The following ACACA variants were observed in gnomAD, a reference collection of about 807,000 sequenced individuals.
ACACA encodes acetyl-CoA carboxylase alpha, also known as acetyl-CoA carboxylase 1.
In ACACA, 103 loss-of-function variants were observed where a neutral mutation model predicts 296.1. The ratio of observed to expected loss-of-function variants is 0.35; its 90% CI spans 0.30 to 0.41. The LOEUF (loss-of-function observed/expected upper bound fraction) is 0.41. ACACA is among the 10% of genes least tolerant of loss of function. The pLI, the probability that ACACA is intolerant of heterozygous loss-of-function variation, is 1.00. For missense variants in ACACA, 1,554 were observed against 2,989.7 expected (o/e 0.52, Z 11.20); for synonymous variants, 953 against 1,038.6 (o/e 0.92, Z 1.58).
chr17:37,285,354 T>C (rs2082718653), intron 3 of ACACA, among the ~76,000 whole-genome samples: 1 of 152,202 alleles, frequency 6.6e-6, no homozygotes, highest in African/African-American at 2.4e-5. Context: ...TCTATCTTTC[T>C]TCTGAGCTAT....
At chr17:37,185,558 G>A (rs902410818) in intron 39 of ACACA, among the ~76,000 whole-genome samples, 1 of 146,384 alleles carries the variant, frequency 6.8e-6, no homozygotes, top group Non-Finnish European at 1.5e-5. Context: ...GCCCAAAGAT[G>A]ATTTTAAAAT....
chr17:37,262,133 C>T (rs975773584), intron 11 of ACACA, among the ~76,000 whole-genome samples: 1 of 152,154 alleles, frequency 6.6e-6, no homozygotes, highest in Non-Finnish European at 1.5e-5. Context: ...GCCAGAGGAA[C>T]AGACTGAGGC....
intron 3 of ACACA, among the ~76,000 whole-genome samples, chr17:37,292,746 C>T (rs1197813560): frequency 2.0e-5 from 3 of 152,192 alleles, no homozygotes; most frequent in Non-Finnish European, 4.4e-5. Context: ...TGCCTGTAGT[C>T]CCAGCTACCT....
chr17:37,291,702 C>A (rs1380425948), intron 3 of ACACA, among the ~76,000 whole-genome samples: 1 of 152,060 alleles, frequency 6.6e-6, no homozygotes, highest in Non-Finnish European at 1.5e-5. Context: ...TACATATAAG[C>A]CCCAAATACA....
intron 45 of ACACA, among the ~76,000 whole-genome samples, chr17:37,141,818 AG>A (rs1470650324): frequency 6.6e-6 from 1 of 151,468 alleles, no homozygotes. Context: ...CAGCCTCCTG[AG>A]TAGCTGGGAT....
intron 47 of ACACA, among the ~76,000 whole-genome samples, chr17:37,127,590 G>A (rs546042737): frequency 9.2e-5 from 14 of 152,194 alleles, no homozygotes; most frequent in South Asian, 4.1e-4. Flanking sequence ...GGCCGGGCGC[G>A]GTGGCTCACG....
At chr17:37,273,600 T>C (rs2146436857) in intron 9 of ACACA, among the ~76,000 whole-genome samples, 1 of 152,356 alleles carries the variant, frequency 6.6e-6, no homozygotes, top group Admixed American at 6.5e-5. Context: ...CTCTCAGCCA[T>C]ACACTAAGCT....
At chr17:37,257,314 T>C (rs1460316773) in intron 14 of ACACA, among the ~76,000 whole-genome samples, 2 of 152,162 alleles carry the variant, frequency 1.3e-5, no homozygotes, top group Non-Finnish European at 2.9e-5. Context: ...ATTTTAAGTC[T>C]TCTCACAAGA....
At chr17:37,265,205 G>A (rs2081703202) in intron 10 of ACACA, among the ~76,000 whole-genome samples, 1 of 152,164 alleles carries the variant, frequency 6.6e-6, no homozygotes, top group African/African-American at 2.4e-5. Flanking sequence ...CAAGGGGTAG[G>A]GAAAATAGAT....
chr17:37,278,915 C>T (rs995053112), intron 5 of ACACA, among the ~76,000 whole-genome samples: 1 of 152,082 alleles, frequency 6.6e-6, no homozygotes, highest in African/African-American at 2.4e-5. Flanking sequence ...TGCAGGACAT[C>T]CAGGTTTGTT....
At chr17:37,368,081 A>G (rs1487225751) in intron 1 of ACACA, among the ~76,000 whole-genome samples, 2 of 151,770 alleles carry the variant, frequency 1.3e-5, no homozygotes, top group Non-Finnish European at 2.9e-5. Flanking sequence ...ACAAACAAAC[A>G]AACAAAAAAT....
chr17:37,141,098 C>A, intron 45 of ACACA: 1 of 447,394 alleles, frequency 2.2e-6, no homozygotes, highest in Admixed American at 2.5e-5. Context: ...CTGATGGCAA[C>A]AAACATCTTG....
At chr17:37,211,656 G>C (rs2078753799) in intron 29 of ACACA, among the ~76,000 whole-genome samples, 1 of 152,202 alleles carries the variant, frequency 6.6e-6, no homozygotes, top group Non-Finnish European at 1.5e-5. Flanking sequence ...AAGGAAGATA[G>C]AGGGAGGAAA....
At chr17:37,198,238 AAC>A (rs1192500760) in intron 35 of ACACA, among the ~76,000 whole-genome samples, 1 of 152,218 alleles carries the variant, frequency 6.6e-6, no homozygotes, top group African/African-American at 2.4e-5. Flanking sequence ...AATTTTAGTG[AAC>A]AGTTTTAGTT....
At chr17:37,208,935 C>T (rs1057084244) in intron 30 of ACACA, among the ~76,000 whole-genome samples, 18 of 152,190 alleles carry the variant, frequency 1.2e-4, no homozygotes, top group African/African-American at 3.9e-4. Context: ...GGAAGAGAGA[C>T]GACAACGTGG....
chr17:37,197,539 T>C lies in ACACA; in HGVS notation c.4158+2600A>G, dbSNP rs536265652. 2.0e-5 allele frequency among the ~76,000 whole-genome samples: 3 copies of C among 152,246 alleles called. No individual in the cohort carries two copies. In the South Asian group the frequency reaches 6.2e-4, roughly 32 times the overall value. ...TGACACTCCCAGAAAGCTTCCTCTT[T>C]TTCACAGTACACTAACTATGGGGCA... On this transcript the variant is annotated intron_variant, in intron 35 of 55. Coordinates refer to ENST00000616317, the MANE Select transcript of ACACA (RefSeq NM_198834.3).
chr17:37,287,820 GGACA>G (rs1359163529), intron 3 of ACACA, among the ~76,000 whole-genome samples: 1 of 151,370 alleles, frequency 6.6e-6, no homozygotes, highest in Non-Finnish European at 1.5e-5. Flanking sequence ...CTAGACTTAA[GGACA>G]GACATAACAA....
intron 39 of ACACA, 129 bp from the exon 40 acceptor site, chr17:37,181,485 T>A: frequency 1.0e-6 from 1 of 960,804 alleles, no homozygotes; most frequent in South Asian, 1.4e-5. Flanking sequence ...AGCTGAGATA[T>A]GCCTCTTAAC....
At chr17:37,305,515 G>C (rs889474461) in intron 3 of ACACA, among the ~76,000 whole-genome samples, 1 of 152,204 alleles carries the variant, frequency 6.6e-6, no homozygotes, top group Non-Finnish European at 1.5e-5. Flanking sequence ...GGGGGATATA[G>C]AGTAGTGCAT....
Sources: allele counts gnomAD v4.1 joint callset (sites outside exome capture counted in the v4.1 genomes callset), GRCh38; gene constraint gnomAD v4.1.1; transcripts MANE v1.5; gene names NCBI Gene and HGNC (gene_info 2026-07-23, HGNC 2026-07-21).